Variants in LDB2 observed in about 807,000 individuals in gnomAD.
The protein encoded by LDB2 is LIM domain binding 2, also known as LIM domain-binding protein 2.
In LDB2, 12 loss-of-function variants were observed where a neutral mutation model predicts 44.3. That is an observed-to-expected ratio of 0.27 (90% CI 0.17 to 0.44). The LOEUF (loss-of-function observed/expected upper bound fraction) is 0.44, where lower values mean the gene tolerates loss of function less well. LDB2 is among the 20% of genes least tolerant of loss of function. LDB2 has a pLI of 1.00. For synonymous variants in LDB2, 164 were observed against 174.8 expected (o/e 0.94, Z 0.49); for missense variants, 344 against 473.5 (o/e 0.73, Z 2.54).
intron 5 of LDB2, among the ~76,000 whole-genome samples, chr4:16,521,232 G>A (rs1050844078): frequency 1.3e-5 from 2 of 152,172 alleles, no homozygotes; most frequent in Non-Finnish European, 2.9e-5. Flanking sequence ...AAATCAAGGA[G>A]TAGGCAGGGC....
At chr4:16,755,472 GGTGTGTGTGT>G (rs58186199) in intron 2 of LDB2, among the ~76,000 whole-genome samples, 5,060 of 118,314 alleles carry the variant, frequency 0.043, 92 homozygotes, top group Middle Eastern at 0.059. Context: ...GTAGGAATAG[GGTGTGTGTGT>G]GTGTGTGTGT....
chr4:16,698,302 T>C (rs561841289), intron 2 of LDB2, among the ~76,000 whole-genome samples: 44 of 152,346 alleles, frequency 2.9e-4, no homozygotes, highest in African/African-American at 9.4e-4. Flanking sequence ...AGAATTATTG[T>C]ATCAAAAGAA....
intron 1 of LDB2, among the ~76,000 whole-genome samples, chr4:16,877,052 T>C (rs912846957): frequency 2.6e-5 from 4 of 152,176 alleles, no homozygotes; most frequent in African/African-American, 9.7e-5. Context: ...GGATGGCAGG[T>C]GTGTGCCACC....
intron 5 of LDB2, among the ~76,000 whole-genome samples, chr4:16,571,425 C>T (rs920775705): frequency 6.7e-6 from 1 of 149,876 alleles, no homozygotes; most frequent in Non-Finnish European, 1.5e-5. Context: ...TTGGTGTTCT[C>T]GATCCATTGC....
chr4:16,761,586 C>T (rs1767942564), intron 1 of LDB2, among the ~76,000 whole-genome samples: 1 of 152,178 alleles, frequency 6.6e-6, no homozygotes, highest in Non-Finnish European at 1.5e-5. Context: ...AGCCTGTCTA[C>T]TTATTTAGAA....
At chr4:16,895,546 G>C (rs1724726099) in intron 1 of LDB2, among the ~76,000 whole-genome samples, 1 of 151,316 alleles carries the variant, frequency 6.6e-6, no homozygotes, top group African/African-American at 2.4e-5. Context: ...GGGTGTGTTT[G>C]TGTGTGTGTG....
chr4:16,824,762 C>T (rs1245417417), intron 1 of LDB2, among the ~76,000 whole-genome samples: 3 of 152,230 alleles, frequency 2.0e-5, no homozygotes, highest in Admixed American at 6.5e-5. Context: ...CGGGTGTTCA[C>T]CCATGCTTTT....
intron 5 of LDB2, among the ~76,000 whole-genome samples, chr4:16,534,866 A>C (rs1731245215): frequency 6.6e-6 from 1 of 152,158 alleles, no homozygotes; most frequent in African/African-American, 2.4e-5. Flanking sequence ...ATGTACCCTG[A>C]GGTCTCTCAG....
intron 2 of LDB2, among the ~76,000 whole-genome samples, chr4:16,699,979 C>G (rs1753082225): frequency 6.6e-6 from 1 of 152,080 alleles, no homozygotes; most frequent in Non-Finnish European, 1.5e-5. Flanking sequence ...GTCAAGTATC[C>G]CTTATCTGAA....
At chr4:16,693,336 G>A (rs963155554) in intron 2 of LDB2, among the ~76,000 whole-genome samples, 1 of 146,356 alleles carries the variant, frequency 6.8e-6, no homozygotes, top group Non-Finnish European at 1.5e-5. Context: ...TTGTTCCCTA[G>A]AGCAATAGTT....
chr4:16,742,483 T>C (rs1763505896), intron 2 of LDB2, among the ~76,000 whole-genome samples: 1 of 152,320 alleles, frequency 6.6e-6, no homozygotes, highest in Admixed American at 6.5e-5. Context: ...GTCTACCTTT[T>C]CTACAAGGGA....
At chr4:16,706,219 C>A (rs1754577992) in intron 2 of LDB2, among the ~76,000 whole-genome samples, 1 of 152,138 alleles carries the variant, frequency 6.6e-6, no homozygotes, top group Non-Finnish European at 1.5e-5. Context: ...ACTTCCACCC[C>A]CAAATTCATA....
intron 1 of LDB2, among the ~76,000 whole-genome samples, chr4:16,847,893 G>A (rs1787403174): frequency 6.6e-6 from 1 of 152,342 alleles, no homozygotes; most frequent in South Asian, 2.1e-4. Flanking sequence ...TGGGATTACA[G>A]GCGTGAGCCA....
At chr4:16,865,580 C>A (rs2110300350) in intron 1 of LDB2, among the ~76,000 whole-genome samples, 1 of 152,238 alleles carries the variant, frequency 6.6e-6, no homozygotes, top group East Asian at 1.9e-4. Context: ...GTAAATGTGT[C>A]CATGTCCCTT....
chr4:16,598,392 A>C (rs1721616211), intron 2 of LDB2, among the ~76,000 whole-genome samples: 1 of 152,148 alleles, frequency 6.6e-6, no homozygotes, highest in African/African-American at 2.4e-5. Context: ...CAGCAACCCC[A>C]GCTGAGCTTC....
intron 5 of LDB2, among the ~76,000 whole-genome samples, chr4:16,583,580 G>A (rs190802528): frequency 6.6e-6 from 1 of 152,252 alleles, no homozygotes; most frequent in Admixed American, 6.5e-5. Flanking sequence ...TAGATGATAA[G>A]GCTACTAGAA....
intron 1 of LDB2, among the ~76,000 whole-genome samples, chr4:16,843,292 A>G (rs1159993070): frequency 3.3e-5 from 5 of 152,208 alleles, no homozygotes; most frequent in Non-Finnish European, 7.3e-5. Flanking sequence ...CGTTTTCCGC[A>G]TACTGGATTA....
At chr4:16,839,150 T>C (rs1028477685) in intron 1 of LDB2, among the ~76,000 whole-genome samples, 1 of 152,180 alleles carries the variant, frequency 6.6e-6, no homozygotes, top group Admixed American at 6.5e-5. Flanking sequence ...TGAGCAAGCA[T>C]AGTAGTTCAT....
At chr4:16,754,617 C>T (rs796765807) in intron 2 of LDB2, among the ~76,000 whole-genome samples, 18 of 151,710 alleles carry the variant, frequency 1.2e-4, no homozygotes, top group African/African-American at 3.1e-4. Context: ...AACCTCCATC[C>T]GCCTCCTGGG....
Sources: gnomAD v4.1 joint callset for allele counts (sites outside exome capture counted in the v4.1 genomes callset) on GRCh38, gnomAD v4.1.1 for gene constraint, MANE v1.5 for transcripts, NCBI Gene and HGNC (gene_info 2026-07-23, HGNC 2026-07-21) for gene names.